Variants in AMZ1 observed in about 807,000 individuals in gnomAD.
AMZ1 encodes archaelysin family metallopeptidase 1, also known as archaemetzincin-1.
A neutral mutation model predicts 29.9 loss-of-function variants in AMZ1; 39 were observed. That is an observed-to-expected ratio of 1.30 (90% CI 1.01 to 1.70). The LOEUF (loss-of-function observed/expected upper bound fraction) is 1.70, where lower values mean the gene tolerates loss of function less well. AMZ1 is among the 40% of genes most tolerant of loss of function. AMZ1 has a pLI of 0.00. For missense variants in AMZ1, 1,041 were observed against 680.6 expected (o/e 1.53, Z -5.89); for synonymous variants, 458 against 304.0 (o/e 1.51, Z -5.27).
intron 4 of AMZ1, among the ~76,000 whole-genome samples, chr7:2,736,636 G>C (rs943740948): frequency 5.3e-5 from 8 of 152,208 alleles, no homozygotes; most frequent in Non-Finnish European, 8.8e-5. Context: ...GCAGGACCTA[G>C]GCCGACACAC....
intron 4 of AMZ1, among the ~76,000 whole-genome samples, chr7:2,736,777 C>T (rs990075188): frequency 6.6e-6 from 1 of 152,228 alleles, no homozygotes; most frequent in Non-Finnish European, 1.5e-5. Flanking sequence ...CCGTCAGCAC[C>T]GTCAGGCAGG....
At chr7:2,702,434 C>T (rs2115113894) in intron 2 of AMZ1, 1 of 426,784 alleles carries the variant, frequency 2.3e-6, no homozygotes, top group Non-Finnish European at 4.1e-6. Context: ...CCCTAGAAGT[C>T]CCTGTCCCTG....
chr7:2,693,258 T>C (rs542609985), intron 1 of AMZ1, among the ~76,000 whole-genome samples: 44 of 152,030 alleles, frequency 2.9e-4, no homozygotes, highest in Non-Finnish European at 5.4e-4. Context: ...CCAGCTAATA[T>C]TGTATTTTTA....
chr7:2,688,021 G>A (rs909999028), upstream of AMZ1, among the ~76,000 whole-genome samples: 6 of 152,298 alleles, frequency 3.9e-5, no homozygotes, highest in African/African-American at 1.4e-4. Context: ...CCCCTGCCCG[G>A]GTGTTTCTGG....
upstream of AMZ1, among the ~76,000 whole-genome samples, chr7:2,684,326 C>T (rs11765487): frequency 0.031 from 4,777 of 152,232 alleles, 160 homozygotes; most frequent in African/African-American, 0.08. Flanking sequence ...TTACTTTAAC[C>T]ATATCTGCAA....
chr7:2,731,277 G>A lies in AMZ1; in HGVS notation n.550+21461G>A. 5 of 1,611,984 alleles carry A rather than the reference G, an allele frequency of 3.1e-6. No homozygotes were observed. The South Asian group carries it at 4.4e-5, about 14-fold the overall frequency. ...CGTTCTCGGTGTCGATGGCGGTGGT[G>A]AAGTGGTGGAAGAGTGGCTTGCTGC... On this transcript the variant is annotated intron_variant and non_coding_transcript_variant, in intron 4 of 4. Transcript: ENST00000489665. This position sits in a 1 kb window ranked among gnomAD's most constrained non-coding sequence, Gnocchi z 6.0.
intron 4 of AMZ1, among the ~76,000 whole-genome samples, chr7:2,725,533 C>T (rs1789582754): frequency 1.3e-5 from 2 of 152,236 alleles, no homozygotes; most frequent in Admixed American, 1.3e-4. Flanking sequence ...GATGGAGCAG[C>T]AAGTGAATGA....
chr7:2,746,567 GA>G (rs1363545823), intron 4 of AMZ1, among the ~76,000 whole-genome samples: 5 of 151,974 alleles, frequency 3.3e-5, no homozygotes, highest in African/African-American at 1.2e-4. Context: ...GAGAAAGCAG[GA>G]AAAATCTAAA....
chr7:2,735,492 G>A (rs1419948592), intron 4 of AMZ1, among the ~76,000 whole-genome samples: 1 of 152,202 alleles, frequency 6.6e-6, no homozygotes, highest in African/African-American at 2.4e-5. Flanking sequence ...GACGCAAGGG[G>A]AAAAGCACCA....
intron 4 of AMZ1, among the ~76,000 whole-genome samples, chr7:2,749,912 A>C (rs1205474261): frequency 6.6e-6 from 1 of 152,206 alleles, no homozygotes; most frequent in Non-Finnish European, 1.5e-5. Flanking sequence ...TCTTTGGGGC[A>C]ATTCCTAAAG....
At chr7:2,756,167 A>G (rs1791283844) in intron 4 of AMZ1, among the ~76,000 whole-genome samples, 1 of 152,220 alleles carries the variant, frequency 6.6e-6, no homozygotes. Flanking sequence ...CAATTGATTT[A>G]TAAAAAATTG....
rs748594473 is a variant in AMZ1 at position 2,709,664 on chromosome 7, C to T, written c.796C>T (p.Leu266Phe). The change falls in exon 6 of 7, where the codon CTT becomes TTT. Residue 266 changes from leucine to phenylalanine, a missense_variant. Coordinates refer to ENST00000683327, the MANE Select transcript of AMZ1 (RefSeq NM_001384743.1). ...GGTCACGTGCCACGAGCTCTGCCAC[C>T]TTCTGGGCCTGGGGAACTGCCGCTG... ...CKVTCHELCH[L>F]LGLGNCRWLR... 1.8e-5 allele frequency: 29 copies of T among 1,610,216 alleles called. No individual in the cohort carries two copies. The highest frequency in any genetic ancestry group is 1.3e-4 in the South Asian group (12 of 90,968).
intron 4 of AMZ1, 151 bp from the exon 5 acceptor site, chr7:2,708,924 C>A: frequency 7.9e-7 from 1 of 1,271,688 alleles, no homozygotes; most frequent in Non-Finnish European, 1.1e-6. Flanking sequence ...GCCCCAGGGC[C>A]CAACTTCATG....
rs760124282 is a variant in AMZ1, at chr7:2,709,175, C to G, written c.702C>G (p.Pro234=). 3 of 1,545,564 alleles carry G rather than the reference C, an allele frequency of 1.9e-6. No individual in the cohort carries two copies. Among genetic ancestry groups the G allele is most frequent in the Non-Finnish European group, 1.7e-6 (2 of 1,147,880 alleles). ...TGGTAGAGGCAGCAGCAGACGGCCC[C>G]GAGGCCCCCCTGCAGGACAGGGGCT... ...LALVEAAADG[P]EAPLQDRGWA... Residue 234 remains proline, a synonymous_variant, in exon 5 of 7, where the codon CCC becomes CCG. Coordinates refer to ENST00000683327, the MANE Select transcript of AMZ1 (RefSeq NM_001384743.1).
chr7:2,726,970 T>C (rs901257551), intron 4 of AMZ1, among the ~76,000 whole-genome samples: 1 of 152,218 alleles, frequency 6.6e-6, no homozygotes, highest in African/African-American at 2.4e-5. Flanking sequence ...CAGCTTCTGA[T>C]CTTGGAGAGC....
chr7:2,709,628 C>T lies in AMZ1; in HGVS notation c.772-12C>T, dbSNP rs904164672. On this transcript the variant is annotated splice_polypyrimidine_tract_variant and intron_variant, in intron 5 of 6. Coordinates refer to ENST00000683327, the MANE Select transcript of AMZ1 (RefSeq NM_001384743.1). Reference sequence around the variant, plus strand: ...GGCAGTGAGGCAAGGTGCTTGGTGGCCTTCCCCCCAGGTCACGTGCCACGA... The same window carrying T: ...GGCAGTGAGGCAAGGTGCTTGGTGGTCTTCCCCCCAGGTCACGTGCCACGA... The T allele has an allele frequency of 5.6e-6, 9 of 1,605,072 alleles. No homozygotes were observed. Among genetic ancestry groups the T allele is most frequent in the South Asian group, 1.1e-5 (1 of 90,808 alleles).
intron 4 of AMZ1, among the ~76,000 whole-genome samples, chr7:2,752,897 G>A (rs1334750194): frequency 6.6e-6 from 1 of 152,102 alleles, no homozygotes; most frequent in Admixed American, 6.5e-5. Flanking sequence ...TGTGTGTGTG[G>A]TTCCATGCAC....
chr7:2,726,588 A>G (rs1333144459), intron 4 of AMZ1, among the ~76,000 whole-genome samples: 2 of 152,222 alleles, frequency 1.3e-5, no homozygotes, highest in Non-Finnish European at 2.9e-5. Flanking sequence ...GTCGGAGCAC[A>G]CTGTGTGCTC....
intron 6 of AMZ1, among the ~76,000 whole-genome samples, chr7:2,710,241 C>T (rs1562373917): frequency 6.6e-6 from 1 of 152,204 alleles, no homozygotes; most frequent in Admixed American, 6.5e-5. Context: ...CACAACAAGG[C>T]TTGTTGGAGG....
Sources: allele counts gnomAD v4.1 joint callset (sites outside exome capture counted in the v4.1 genomes callset), GRCh38; gene constraint gnomAD v4.1.1; non-coding constraint Gnocchi (gnomAD v3.1); transcripts MANE v1.5; gene names NCBI Gene and HGNC (gene_info 2026-07-23, HGNC 2026-07-21).